Variants in CWF19L1 observed in about 807,000 individuals in gnomAD.
CWF19L1 encodes CWF19-like protein 1.
CWF19L1 carries 60 observed loss-of-function variants against 69.7 expected under a neutral mutation model. The observed-to-expected ratio is 0.86, with a 90% CI of 0.70 to 1.07. The LOEUF (loss-of-function observed/expected upper bound fraction) is 1.07. Ranked by LOEUF, CWF19L1 falls within the 50% of genes least tolerant of loss-of-function variation. CWF19L1 has a pLI of 0.00. For synonymous variants in CWF19L1, 209 were observed against 222.2 expected (o/e 0.94, Z 0.53); for missense variants, 591 against 638.9 (o/e 0.92, Z 0.81).
At chr10:100,247,079 G>T in intron 7 of CWF19L1, 144 bp from the exon 8 acceptor site, 1 of 701,800 alleles carries the variant, frequency 1.4e-6, no homozygotes, top group Non-Finnish European at 2.2e-6. Context: ...CCATAGCTCA[G>T]AGAGTAAACA....
chr10:100,237,780 G>C (rs912160460), intron 11 of CWF19L1, among the ~76,000 whole-genome samples: 4 of 151,890 alleles, frequency 2.6e-5, no homozygotes, highest in African/African-American at 9.7e-5. Flanking sequence ...CCGAGTAGCT[G>C]GGATTACAGG....
intron 13 of CWF19L1, chr10:100,234,104 T>C (rs1313425662): frequency 6.6e-6 from 1 of 152,206 alleles, no homozygotes; most frequent in Non-Finnish European, 1.5e-5. Context: ...TTTACTTATT[T>C]TGATATATTA....
rs148356270 is a variant in CWF19L1 at position 100,248,641 on chromosome 10, T to A, written c.708+1607A>T. On this transcript the variant is annotated intron_variant, in intron 7 of 13. Transcript: ENST00000354105. ...GTCCATCACTACTGAGATCCTCAAG[T>A]CAGTGGTGGCTCACTTTGATGCTGG... is the stretch of plus-strand genomic sequence containing the variant. The A allele has an allele frequency of 5.6e-4, 434 of 779,558 alleles. 1 individual carries two copies. Among genetic ancestry groups the A allele is most frequent in the African/African-American group, 3.6e-3 (216 of 59,842 alleles). The allele number at this position is 779,558 out of a possible 1,614,324, so 48.3% of individuals were successfully genotyped here.
At chr10:100,237,004 C>T (rs1846462568) in intron 11 of CWF19L1, 35 bp from the exon 12 acceptor site, 2 of 1,545,478 alleles carry the variant, frequency 1.3e-6, no homozygotes, top group Non-Finnish European at 1.7e-6. Context: ...ATTCCTTGTG[C>T]AGGTCCCAGA....
chr10:100,234,177 G>T (rs1589607180), intron 13 of CWF19L1, among the ~76,000 whole-genome samples: 1 of 152,020 alleles, frequency 6.6e-6, no homozygotes, highest in Admixed American at 6.6e-5. Context: ...GTAAATAGAA[G>T]AGTTAGAAAC....
At chr10:100,252,010 T>C (rs962817634) in intron 6 of CWF19L1, among the ~76,000 whole-genome samples, 5 of 152,200 alleles carry the variant, frequency 3.3e-5, no homozygotes, top group African/African-American at 1.2e-4. Flanking sequence ...TGTGGGATTA[T>C]GGTAAGGGGG....
chr10:100,237,923 A>G, intron 11 of CWF19L1, 99 bp downstream of exon 11: 2 of 1,157,956 alleles, frequency 1.7e-6, no homozygotes, highest in South Asian at 2.7e-5. Context: ...TGCTAGGATT[A>G]CAGGCGTGAG....
At position 100,246,800 on chromosome 10, in the gene CWF19L1, G is replaced by T; in HGVS notation, c.844C>A (p.Pro282Thr). The change falls in exon 8 of 14, where the codon CCT (proline) becomes ACT (threonine). Residue 282 changes from proline to threonine, a missense_variant. Physicochemically the swap from Pro to Thr is conservative, Grantham distance 38 (BLOSUM62 -1). Coordinates refer to ENST00000354105, the MANE Select transcript of CWF19L1 (RefSeq NM_018294.6). The part of the protein sequence containing the change: ...EASIGKQILA[P>T]VEESACQFFF... ...AACCCTCAATCAGAACATACCACAG[G>T]GGCAAGAATTTGCTTTCCTATGGAT... is the stretch of plus-strand genomic sequence containing the variant. 1 of 1,612,982 alleles carries T rather than the reference G, an allele frequency of 6.2e-7. No homozygotes were observed. The highest frequency in any genetic ancestry group is 8.5e-7 in the Non-Finnish European group (1 of 1,179,304).
At chr10:100,256,644 GCTA>G (rs2134313650) in intron 4 of CWF19L1, among the ~76,000 whole-genome samples, 168 bp from the exon 5 acceptor site, 1 of 152,286 alleles carries the variant, frequency 6.6e-6, no homozygotes, top group Non-Finnish European at 1.5e-5. Flanking sequence ...ATGGTGAATG[GCTA>G]CAACAGTATT....
chr10:100,267,529 A>G lies in CWF19L1; in HGVS notation c.23+42T>C. On this transcript the variant is annotated intron_variant, in intron 1 of 13. Coordinates refer to ENST00000354105, the MANE Select transcript of CWF19L1 (RefSeq NM_018294.6). ...GCCCGTGTCGTCACCTACACACACG[A>G]AAGAGACACAGGGAGAGAGGCTTCC... 1.9e-6 allele frequency: 3 copies of G among 1,614,120 alleles called. No individual in the cohort carries two copies. In the South Asian group the frequency reaches 3.3e-5, roughly 18 times the overall value.
intron 13 of CWF19L1, among the ~76,000 whole-genome samples, chr10:100,234,467 G>A (rs1419306275): frequency 6.6e-6 from 1 of 152,100 alleles, no homozygotes; most frequent in African/African-American, 2.4e-5. Context: ...TGCTTATGTT[G>A]TCAATGTTCA....
rs1846327202 is a variant in CWF19L1 at position 100,233,057 on chromosome 10, A to G, written c.*170T>C. On this transcript the variant is annotated 3_prime_UTR_variant, in exon 14 of 14. Transcript: ENST00000354105. ...CAGCTACTCATGAGGCTGAGGTGGG[A>G]GGAACTCTAGAGCCCAGGAGGTTGA... 1 of 537,174 alleles carries G rather than the reference A, an allele frequency of 1.9e-6. No homozygotes were observed. The highest frequency in any genetic ancestry group is 3.0e-6 in the Non-Finnish European group (1 of 331,144). 33.3% of individuals were successfully genotyped at this position (537,174 alleles called of 1,614,324 possible). A position where few individuals can be genotyped will look rare whatever the true frequency, so the allele number is the denominator to read the frequency against.
chr10:100,266,189 AT>A (rs67759652), intron 1 of CWF19L1, among the ~76,000 whole-genome samples: 36,625 of 134,000 alleles, frequency 0.27, 4,976 homozygotes, highest in Non-Finnish European at 0.4. Flanking sequence ...CACTATTGCA[AT>A]TTTTTTTTTT....
intron 1 of CWF19L1, 103 bp downstream of exon 1, chr10:100,267,467 CT>C: frequency 6.2e-7 from 1 of 1,607,830 alleles, no homozygotes. Context: ...GTCTCTCCGC[CT>C]TTTCCTTCTC....
In CWF19L1 at chr10:100,240,322, C is replaced by T. The variant is rs554979283; in HGVS notation, c.1045-2091G>A. ...CTATGTACTACCTTTGAGGAAGGCA[C>T]GACAAAGAGAAAGCCAGGGAAAAAA... On this transcript the variant is annotated intron_variant, in intron 10 of 13. Transcript: ENST00000354105. 1.5e-4 allele frequency among the ~76,000 whole-genome samples: 23 copies of T among 151,930 alleles called. No individual in the cohort carries two copies. In the East Asian group the frequency reaches 4.4e-3, roughly 29 times the overall value.
intron 1 of CWF19L1, among the ~76,000 whole-genome samples, chr10:100,265,463 G>C (rs1847543362): frequency 6.9e-6 from 1 of 145,570 alleles, no homozygotes; most frequent in Non-Finnish European, 1.5e-5. Flanking sequence ...CATGATAAGT[G>C]TCCTACACAG....
intron 11 of CWF19L1, 75 bp from the exon 12 acceptor site, chr10:100,237,044 T>C (rs1029483469): frequency 1.5e-5 from 22 of 1,507,678 alleles, no homozygotes; most frequent in African/African-American, 5.6e-5. Context: ...CTCTGAGAAG[T>C]AGCAAATCCA....
intron 4 of CWF19L1, among the ~76,000 whole-genome samples, 154 bp from the exon 5 acceptor site, chr10:100,256,630 A>G (rs952464329): frequency 1.3e-5 from 2 of 152,192 alleles, no homozygotes; most frequent in Non-Finnish European, 2.9e-5. Flanking sequence ...GCTGCTAGGC[A>G]TCAATGGTGA....
chr10:100,237,045 A>T, intron 11 of CWF19L1, 76 bp from the exon 12 acceptor site: 1 of 1,506,456 alleles, frequency 6.6e-7, no homozygotes, highest in Non-Finnish European at 8.9e-7. Context: ...TCTGAGAAGT[A>T]GCAAATCCAT....
Sources: allele counts gnomAD v4.1 joint callset (sites outside exome capture counted in the v4.1 genomes callset), GRCh38; gene constraint gnomAD v4.1.1; transcripts MANE v1.5; gene names NCBI Gene and HGNC (gene_info 2026-07-23, HGNC 2026-07-21).